Variants in ENOX1 observed in about 807,000 individuals in gnomAD.
The protein encoded by ENOX1 is ecto-NOX disulfide-thiol exchanger 1.
In ENOX1, 42 loss-of-function variants were observed where a neutral mutation model predicts 82.5. The observed-to-expected ratio is 0.51, with a 90% CI of 0.40 to 0.66. The LOEUF is 0.66. Ranked by LOEUF, ENOX1 falls within the 30% of genes least tolerant of loss-of-function variation. ENOX1 has a pLI of 0.00. For synonymous variants in ENOX1, 271 were observed against 282.2 expected, an observed-to-expected ratio of 0.96 and a Z score of 0.40; for missense variants, 608 against 811.6, an observed-to-expected ratio of 0.75 and a Z score of 3.05.
chr13:43,569,800 T>C (rs2080093489), intron 2 of ENOX1, among the ~76,000 whole-genome samples: 1 of 152,236 alleles, frequency 6.6e-6, no homozygotes, highest in Non-Finnish European at 1.5e-5. Flanking sequence ...TCTGCTTCTC[T>C]TCACTGGTGT....
intron 1 of ENOX1, among the ~76,000 whole-genome samples, chr13:43,717,343 A>G (rs1594546845): frequency 6.6e-6 from 1 of 152,344 alleles, no homozygotes; most frequent in African/African-American, 2.4e-5. Context: ...AGCCATATGC[A>G]GAAGAATGAA....
intron 1 of ENOX1, among the ~76,000 whole-genome samples, chr13:43,749,257 G>A (rs1214999585): frequency 1.3e-5 from 2 of 152,110 alleles, no homozygotes; most frequent in Non-Finnish European, 2.9e-5. Context: ...ACATCAATAA[G>A]AACAAGGCAG....
intron 1 of ENOX1, among the ~76,000 whole-genome samples, chr13:43,719,343 A>ACACACACACC (rs1215069179): frequency 6.7e-6 from 1 of 148,918 alleles, no homozygotes; most frequent in East Asian, 2.0e-4. Context: ...ACACACACAC[A>ACACACACACC]CACACCAGCA....
chr13:43,266,828 T>C (rs2044399161), intron 13 of ENOX1, among the ~76,000 whole-genome samples: 1 of 152,188 alleles, frequency 6.6e-6, no homozygotes, highest in Non-Finnish European at 1.5e-5. Flanking sequence ...GTCCTGTAGC[T>C]TGTGCTCCCA....
At chr13:43,606,597 A>C (rs2081984103) in intron 2 of ENOX1, among the ~76,000 whole-genome samples, 1 of 152,210 alleles carries the variant, frequency 6.6e-6, no homozygotes, top group Non-Finnish European at 1.5e-5. Context: ...AAAAATTAAA[A>C]CAATTGTACT....
intron 1 of ENOX1, among the ~76,000 whole-genome samples, chr13:43,718,676 C>CAAAAAAAAAAAAAAAAAAAAAA (rs61671392): frequency 1.8e-5 from 1 of 55,592 alleles, no homozygotes; most frequent in Non-Finnish European, 3.1e-5. Context: ...GACTCCGTCT[C>CAAAAAAAAAAAAAAAAAAAAAA]AAAAAAAAAA....
chr13:43,282,662 G>A (rs1397354777), intron 12 of ENOX1, among the ~76,000 whole-genome samples: 3 of 151,798 alleles, frequency 2.0e-5, no homozygotes, highest in Non-Finnish European at 4.4e-5. Flanking sequence ...GGGCTCAAGG[G>A]ATCTGCCTGC....
chr13:43,391,725 C>G (rs1386182120), intron 5 of ENOX1, among the ~76,000 whole-genome samples: 1 of 152,132 alleles, frequency 6.6e-6, no homozygotes, highest in African/African-American at 2.4e-5. Context: ...TATCATGCCC[C>G]AAGTCAAAGC....
intron 5 of ENOX1, among the ~76,000 whole-genome samples, chr13:43,399,995 T>C (rs1235084833): frequency 6.6e-6 from 1 of 151,970 alleles, no homozygotes; most frequent in East Asian, 1.9e-4. Flanking sequence ...TGTAGGAGTG[T>C]GTAGTCCAGC....
At chr13:43,603,428 A>T (rs928612730) in intron 2 of ENOX1, among the ~76,000 whole-genome samples, 1 of 151,556 alleles carries the variant, frequency 6.6e-6, no homozygotes, top group Admixed American at 6.6e-5. Flanking sequence ...GGATACATGT[A>T]CACAATGTGC....
At position 43,407,397 on chromosome 13, in the gene ENOX1, G is replaced by A. The variant is rs148299401; in HGVS notation, c.208+4519C>T. On this transcript the variant is annotated intron_variant, in intron 5 of 16. Coordinates refer to ENST00000690772, the MANE Select transcript of ENOX1 (RefSeq NM_001347969.2). ...GGATCTCCACAGTGAATATTCTAGC[G>A]TCTCACGAGAGGCTCACAGGTTTGT... is the stretch of plus-strand genomic sequence containing the variant. 8.7e-4 allele frequency among the ~76,000 whole-genome samples: 132 copies of A among 152,290 alleles called. 1 individual carries two copies. In the East Asian group the frequency reaches 0.021, roughly 25 times the overall value.
chr13:43,271,964 A>G (rs541497463), intron 12 of ENOX1, among the ~76,000 whole-genome samples: 5 of 152,200 alleles, frequency 3.3e-5, no homozygotes, highest in Non-Finnish European at 4.4e-5. Context: ...TGTTTTTAAG[A>G]TCCATCCATG....
chr13:43,236,345 T>C (rs1346819777), intron 15 of ENOX1, among the ~76,000 whole-genome samples: 2 of 152,194 alleles, frequency 1.3e-5, no homozygotes, highest in Non-Finnish European at 2.9e-5. Flanking sequence ...GGAAGTGACA[T>C]GCCCAAGCTT....
At chr13:43,290,887 C>T (rs528468037) in intron 12 of ENOX1, among the ~76,000 whole-genome samples, 59 of 152,104 alleles carry the variant, frequency 3.9e-4, no homozygotes, top group Non-Finnish European at 6.8e-4. Context: ...ATTAACCAGG[C>T]GCAGTGACAC....
chr13:43,469,427 T>G (rs558316053), intron 3 of ENOX1, among the ~76,000 whole-genome samples: 1 of 152,126 alleles, frequency 6.6e-6, no homozygotes, highest in East Asian at 1.9e-4. Context: ...TTTCCTTTCC[T>G]CTTATGTATT....
At chr13:43,321,090 T>G (rs746923634) in intron 11 of ENOX1, 2 of 456,298 alleles carry the variant, frequency 4.4e-6, no homozygotes, top group South Asian at 3.1e-5. Context: ...CCTACTTGTA[T>G]GTTAAGCACC....
chr13:43,527,148 A>G (rs1419914649), intron 2 of ENOX1, among the ~76,000 whole-genome samples: 1 of 151,552 alleles, frequency 6.6e-6, no homozygotes, highest in African/African-American at 2.4e-5. Flanking sequence ...ATGAACTAAG[A>G]CACACGGCAA....
chr13:43,548,826 C>T (rs376768103), intron 2 of ENOX1, among the ~76,000 whole-genome samples: 1 of 152,204 alleles, frequency 6.6e-6, no homozygotes, highest in African/African-American at 2.4e-5. Flanking sequence ...TCTCCCTCCA[C>T]TTACCTGTTT....
chr13:43,622,490 G>A (rs1226906269), intron 2 of ENOX1, among the ~76,000 whole-genome samples: 2 of 152,154 alleles, frequency 1.3e-5, no homozygotes, highest in African/African-American at 4.8e-5. Flanking sequence ...CTTCCTGTGA[G>A]CCAAACTGCA....
Sources: allele counts gnomAD v4.1 joint callset (sites outside exome capture counted in the v4.1 genomes callset), GRCh38; gene constraint gnomAD v4.1.1; transcripts MANE v1.5; gene names NCBI Gene and HGNC (gene_info 2026-07-23, HGNC 2026-07-21).